The following NFIA variants were observed in gnomAD, a reference collection of about 807,000 sequenced individuals.
NFIA encodes the protein nuclear factor 1 A-type.
A neutral mutation model predicts 62.8 loss-of-function variants in NFIA; 8 were observed. The observed-to-expected ratio is 0.13, with a 90% CI of 0.07 to 0.23. The LOEUF is 0.23. Among genes scored for constraint, NFIA ranks in the 10% least tolerant of loss-of-function variants. NFIA has a pLI of 1.00. For missense variants in NFIA, 410 were observed against 642.1 expected, an observed-to-expected ratio of 0.64 and a Z score of 3.91; for synonymous variants, 235 against 238.1, an observed-to-expected ratio of 0.99 and a Z score of 0.12.
intron 10 of NFIA, among the ~76,000 whole-genome samples, chr1:61,447,641 G>A (rs1291509737): frequency 6.6e-6 from 1 of 152,092 alleles, no homozygotes; most frequent in African/African-American, 2.4e-5. Flanking sequence ...TAATCTCCAC[G>A]CTGCACCTCA....
chr1:61,281,391 C>T (rs556156803), intron 3 of NFIA, among the ~76,000 whole-genome samples: 4 of 152,134 alleles, frequency 2.6e-5, no homozygotes, highest in African/African-American at 7.2e-5. Context: ...TAAAGCTTGT[C>T]GTATTTACAA....
chr1:61,096,316 C>T (rs570170591), intron 2 of NFIA, among the ~76,000 whole-genome samples: 149 of 151,788 alleles, frequency 9.8e-4, no homozygotes, highest in Admixed American at 3.0e-3. Context: ...CTGGTTCAAG[C>T]GATTCTCCTG....
At chr1:61,231,008 G>T (rs1007837294) in intron 2 of NFIA, among the ~76,000 whole-genome samples, 1 of 152,200 alleles carries the variant, frequency 6.6e-6, no homozygotes, top group African/African-American at 2.4e-5. Context: ...TTCCTGAGAA[G>T]CTTTGTATAC....
chr1:61,387,465 TTTC>T (rs1664751344), intron 7 of NFIA, among the ~76,000 whole-genome samples: 2 of 111,028 alleles, frequency 1.8e-5, no homozygotes, highest in Non-Finnish European at 3.5e-5. Flanking sequence ...GCTCAAGCAC[TTTC>T]TTTTTTTTTT....
At chr1:61,080,863 C>T (rs1646086508), upstream of NFIA, among the ~76,000 whole-genome samples, 1 of 152,118 alleles carries the variant, frequency 6.6e-6, no homozygotes, top group Non-Finnish European at 1.5e-5. Flanking sequence ...TAGACAGATG[C>T]AGAATTATTT....
In NFIA at chr1:61,368,933, G is replaced by A. The variant is rs1352235411; in HGVS notation, c.946+9659G>A. On this transcript the variant is annotated intron_variant, in intron 6 of 10. Transcript: ENST00000403491. ...TCAAAGAGCTTACAGCCCAGTGAAG[G>A]AAGGAAGGGTAACTGGTTAAATAAG... Among the ~76,000 whole-genome samples, 2 of 152,144 alleles carry A rather than the reference G, an allele frequency of 1.3e-5. 1 individual carries two copies. The highest frequency in any genetic ancestry group is 4.1e-4 in the South Asian group (2 of 4,830).
chr1:61,455,477 A>T lies in NFIA; in HGVS notation c.*157A>T. The T allele has an allele frequency of 1.6e-6, 2 of 1,226,120 alleles. No individual in the cohort carries two copies. The highest frequency in any genetic ancestry group is 2.3e-6 in the Non-Finnish European group (2 of 853,410). 76.0% of individuals were successfully genotyped at this position (1,226,120 alleles called of 1,614,324 possible). ...CAACTTGTACATGGAAACAGCAAGC[A>T]TTATGGTCAAACAGCAAAGGCCATA... On this transcript the variant is annotated 3_prime_UTR_variant, in exon 11 of 11. Transcript: ENST00000403491.
intron 3 of NFIA, among the ~76,000 whole-genome samples, chr1:61,298,804 A>G (rs1272870852): frequency 6.6e-6 from 1 of 152,176 alleles, no homozygotes; most frequent in African/African-American, 2.4e-5. Flanking sequence ...AAAGATTTTT[A>G]TACTTCATTG....
At chr1:61,141,220 CCTT>C (rs1260085160) in intron 2 of NFIA, among the ~76,000 whole-genome samples, 1 of 152,030 alleles carries the variant, frequency 6.6e-6, no homozygotes, top group Non-Finnish European at 1.5e-5. Flanking sequence ...GGAGTTAAGT[CCTT>C]CTCTAGAGCC....
At chr1:61,144,486 C>T (rs1007057112) in intron 2 of NFIA, among the ~76,000 whole-genome samples, 1 of 152,174 alleles carries the variant, frequency 6.6e-6, no homozygotes, top group East Asian at 1.9e-4. Flanking sequence ...GATGCTGGGC[C>T]TCTATGGGGC....
chr1:61,393,812 T>C (rs1018430584), intron 7 of NFIA, among the ~76,000 whole-genome samples: 2 of 152,148 alleles, frequency 1.3e-5, no homozygotes, highest in African/African-American at 4.8e-5. Context: ...GCCAATGGGC[T>C]CAGCTTACTC....
chr1:61,177,017 A>G (rs1229245533), intron 2 of NFIA, among the ~76,000 whole-genome samples: 1 of 151,908 alleles, frequency 6.6e-6, no homozygotes, highest in African/African-American at 2.4e-5. Context: ...GAGGCAGGAG[A>G]ATAGCGTGAA....
chr1:61,341,811 C>T (rs1661933718), intron 4 of NFIA, among the ~76,000 whole-genome samples: 1 of 152,170 alleles, frequency 6.6e-6, no homozygotes, highest in South Asian at 2.1e-4. Context: ...TTTATTTATG[C>T]ACTCATAAGC....
chr1:61,133,527 C>A (rs975460330), intron 2 of NFIA, among the ~76,000 whole-genome samples: 1 of 152,140 alleles, frequency 6.6e-6, no homozygotes, highest in Admixed American at 6.5e-5. Context: ...ACAACTGGTA[C>A]TCAGTAAATA....
At chr1:61,284,103 G>A (rs1444771477) in intron 3 of NFIA, among the ~76,000 whole-genome samples, 5 of 152,076 alleles carry the variant, frequency 3.3e-5, no homozygotes, top group South Asian at 4.2e-4. Flanking sequence ...AAAAAACCCC[G>A]CAGGGACAGA....
chr1:61,114,325 A>T (rs56674609), intron 2 of NFIA, among the ~76,000 whole-genome samples: 9,439 of 151,880 alleles, frequency 0.062, 739 homozygotes, highest in East Asian at 0.36. Context: ...ATCTTAAAAA[A>T]ATTTTTTTTT....
At chr1:61,118,873 T>C (rs937853552) in intron 2 of NFIA, among the ~76,000 whole-genome samples, 4 of 152,136 alleles carry the variant, frequency 2.6e-5, no homozygotes, top group African/African-American at 7.2e-5. Flanking sequence ...TGTGCTGTTA[T>C]AGCAGCAGAG....
chr1:61,316,226 G>A (rs1396145850), intron 3 of NFIA, among the ~76,000 whole-genome samples: 1 of 152,090 alleles, frequency 6.6e-6, no homozygotes, highest in Non-Finnish European at 1.5e-5. Context: ...TAGATACTTG[G>A]GTAAGGGTGA....
At chr1:61,395,106 CAGAGAGAG>C (rs139029053) in intron 7 of NFIA, among the ~76,000 whole-genome samples, 1 of 149,892 alleles carries the variant, frequency 6.7e-6, no homozygotes, top group Non-Finnish European at 1.5e-5. Flanking sequence ...AACCCTGTCT[CAGAGAGAG>C]AGAGAGAGAG....
Sources: allele counts gnomAD v4.1 joint callset (sites outside exome capture counted in the v4.1 genomes callset), GRCh38; gene constraint gnomAD v4.1.1; transcripts MANE v1.5; gene names NCBI Gene and HGNC (gene_info 2026-07-23, HGNC 2026-07-21).